The following SPIDR variants were observed in gnomAD, a reference collection of about 807,000 sequenced individuals.
SPIDR encodes DNA repair-scaffolding protein.
A neutral mutation model predicts 104.6 loss-of-function variants in SPIDR; 93 were observed. That is an observed-to-expected ratio of 0.89 (90% CI 0.75 to 1.06). SPIDR has a LOEUF of 1.06. Among genes scored for constraint, SPIDR ranks in the 50% least tolerant of loss-of-function variants. The pLI is 0.00. For synonymous variants in SPIDR, 431 were observed against 416.9 expected (o/e 1.03, Z -0.41); for missense variants, 1,154 against 1,111.2 (o/e 1.04, Z -0.55).
intron 16 of SPIDR, among the ~76,000 whole-genome samples, chr8:47,726,247 C>A (rs1178624577): frequency 6.6e-6 from 1 of 152,232 alleles, no homozygotes; most frequent in Non-Finnish European, 1.5e-5. Flanking sequence ...GTATGCATTG[C>A]ATGAATGCAC....
At position 47,698,060 on chromosome 8, in the gene SPIDR, A is replaced by G. The variant is rs1021944813; in HGVS notation, c.1686-2343A>G. 7.2e-5 allele frequency: 11 copies of G among 152,196 alleles called. No homozygotes were observed. In the East Asian group the frequency reaches 2.1e-3, roughly 29 times the overall value. The allele number at this position is 152,196 out of a possible 1,614,324, so 9.4% of individuals were successfully genotyped here. ...CTATAAATTAAGGTATACCCCATGA[A>G]ATTTATTCCAACATAATTAAGTTAT... is the stretch of plus-strand genomic sequence containing the variant. On this transcript the variant is annotated intron_variant, in intron 11 of 19. Transcript: ENST00000297423.
chr8:47,731,970 A>G (rs1378866076), intron 19 of SPIDR, among the ~76,000 whole-genome samples: 1 of 152,030 alleles, frequency 6.6e-6, no homozygotes, highest in African/African-American at 2.4e-5. Context: ...GATTCAACCA[A>G]CTCTTGGGCA....
At chr8:47,709,909 C>G (rs552822329) in intron 14 of SPIDR, among the ~76,000 whole-genome samples, 1 of 124,096 alleles carries the variant, frequency 8.1e-6, no homozygotes, top group South Asian at 2.5e-4. Context: ...TTTTGAGATG[C>G]TCTGTCAGTC....
chr8:47,579,284 C>T (rs978959892), intron 8 of SPIDR, among the ~76,000 whole-genome samples: 3 of 152,280 alleles, frequency 2.0e-5, no homozygotes, highest in Admixed American at 6.5e-5. Context: ...ACTGAGATAT[C>T]GTAGCCCTTT....
In SPIDR at chr8:47,522,184, A is replaced by G. The variant is rs185354568; in HGVS notation, c.1098-73627A>G. Among the ~76,000 whole-genome samples the G allele has an allele frequency of 5.7e-3, 865 of 151,922 alleles. 5 individuals are homozygous for G. Among genetic ancestry groups the G allele is most frequent in the Middle Eastern group, 0.024 (7 of 294 alleles). ...CGAGAGTCTGTCTCAAAAAAAAAAAAAAAAGAAAAGAAAAAAAGAAACATG... is the reference window on the plus strand; with the variant it reads ...CGAGAGTCTGTCTCAAAAAAAAAAAGAAAAGAAAAGAAAAAAAGAAACATG... On this transcript the variant is annotated intron_variant, in intron 8 of 19. Transcript: ENST00000297423.
intron 5 of SPIDR, among the ~76,000 whole-genome samples, chr8:47,318,045 C>A: frequency 6.6e-6 from 1 of 152,168 alleles, no homozygotes; most frequent in Non-Finnish European, 1.5e-5. Flanking sequence ...GCCTCTCCTC[C>A]TCCAAAGGAA....
chr8:47,626,939 G>A lies in SPIDR; in HGVS notation c.1544+27743G>A, dbSNP rs971460076. On this transcript the variant is annotated intron_variant, in intron 10 of 19. Transcript: ENST00000297423. The stretch of plus-strand genomic sequence containing the variant: ...TGCTGCTATAAAGACACATGCACAC[G>A]TATGTTTATTGTGGCACTATTCACA... Among the ~76,000 whole-genome samples, 9 of 152,188 alleles carry A rather than the reference G, an allele frequency of 5.9e-5. No individual in the cohort carries two copies. In the South Asian group the frequency reaches 1.2e-3, roughly 21 times the overall value.
chr8:47,408,210 A>C (rs576850861), intron 7 of SPIDR, among the ~76,000 whole-genome samples: 1 of 152,250 alleles, frequency 6.6e-6, no homozygotes, highest in Non-Finnish European at 1.5e-5. Flanking sequence ...TTGACCTCCA[A>C]AAATTTTGTT....
At chr8:47,481,097 C>T (rs2076852832) in intron 8 of SPIDR, among the ~76,000 whole-genome samples, 1 of 152,162 alleles carries the variant, frequency 6.6e-6, no homozygotes, top group Non-Finnish European at 1.5e-5. Flanking sequence ...GGAATCACCG[C>T]TCTAATGCTA....
intron 8 of SPIDR, among the ~76,000 whole-genome samples, chr8:47,575,628 CAGAG>C (rs1364515184): frequency 3.0e-4 from 37 of 121,454 alleles, no homozygotes; most frequent in Admixed American, 4.0e-4. Context: ...GCCTGGGCGA[CAGAG>C]AGAGACTCCG....
At chr8:47,314,101 T>C (rs1400648959) in intron 5 of SPIDR, among the ~76,000 whole-genome samples, 2 of 152,204 alleles carry the variant, frequency 1.3e-5, no homozygotes, top group African/African-American at 2.4e-5. Flanking sequence ...ATGGCATTTA[T>C]ATATGACTGC....
intron 5 of SPIDR, among the ~76,000 whole-genome samples, chr8:47,357,467 C>G (rs185062874): frequency 1.3e-5 from 2 of 152,122 alleles, no homozygotes; most frequent in Admixed American, 6.6e-5. Flanking sequence ...GATATCTGCC[C>G]GAAGAAAAGA....
chr8:47,457,465 T>G (rs1301772945), intron 8 of SPIDR, among the ~76,000 whole-genome samples: 1 of 152,190 alleles, frequency 6.6e-6, no homozygotes, highest in Admixed American at 6.6e-5. Context: ...GTTGCTAATT[T>G]GTTTGAGTTC....
At chr8:47,454,887 AAATAAT>A (rs1287144311) in intron 8 of SPIDR, among the ~76,000 whole-genome samples, 4 of 152,036 alleles carry the variant, frequency 2.6e-5, no homozygotes, top group East Asian at 1.9e-4. Context: ...TCTCAAAAAA[AAATAAT>A]AATAATAAAT....
At chr8:47,506,163 T>C (rs1265921775) in intron 8 of SPIDR, among the ~76,000 whole-genome samples, 1 of 152,202 alleles carries the variant, frequency 6.6e-6, no homozygotes, top group Non-Finnish European at 1.5e-5. Context: ...AAGCAGAACA[T>C]GTTTGGCTGC....
At chr8:47,579,239 T>C (rs1382619605) in intron 8 of SPIDR, among the ~76,000 whole-genome samples, 1 of 152,114 alleles carries the variant, frequency 6.6e-6, no homozygotes, top group Non-Finnish European at 1.5e-5. Flanking sequence ...CAAACAGAGG[T>C]GGTGTCAAAG....
intron 10 of SPIDR, among the ~76,000 whole-genome samples, chr8:47,658,473 C>A (rs2073364056): frequency 6.6e-6 from 1 of 151,966 alleles, no homozygotes; most frequent in African/African-American, 2.4e-5. Flanking sequence ...AAAGTCCAGA[C>A]TGGCACCAGT....
chr8:47,328,012 G>GT (rs532338445), intron 5 of SPIDR, among the ~76,000 whole-genome samples: 1,956 of 142,530 alleles, frequency 0.014, 32 homozygotes, highest in South Asian at 0.093. Flanking sequence ...TTTTTTTTTG[G>GT]TTTTTTTTTT....
chr8:47,649,277 A>C (rs1384192940), intron 10 of SPIDR, among the ~76,000 whole-genome samples: 1 of 152,134 alleles, frequency 6.6e-6, no homozygotes, highest in African/African-American at 2.4e-5. Context: ...GAATGCAAAA[A>C]AAAAAAAGCA....
Sources: allele counts gnomAD v4.1 joint callset (sites outside exome capture counted in the v4.1 genomes callset), GRCh38; gene constraint gnomAD v4.1.1; transcripts MANE v1.5; gene names NCBI Gene and HGNC (gene_info 2026-07-23, HGNC 2026-07-21).